Variants in DAGLA observed in about 807,000 individuals in gnomAD.
DAGLA encodes diacylglycerol lipase alpha.
Under a neutral mutation model 102.6 loss-of-function variants are expected in DAGLA, and 22 were observed. That is an observed-to-expected ratio of 0.21 (90% CI 0.15 to 0.31). The LOEUF (loss-of-function observed/expected upper bound fraction) is 0.31. DAGLA is among the 10% of genes least tolerant of loss of function. The pLI, the probability that DAGLA is intolerant of heterozygous loss-of-function variation, is 1.00. For missense variants in DAGLA, 927 were observed against 1,446.6 expected (o/e 0.64, Z 5.83); for synonymous variants, 578 against 628.9 (o/e 0.92, Z 1.21).
At chr11:61,685,428 C>G (rs1381179019) in intron 1 of DAGLA, among the ~76,000 whole-genome samples, 2 of 152,138 alleles carry the variant, frequency 1.3e-5, no homozygotes, top group African/African-American at 4.8e-5. Flanking sequence ...CTCCCCACAT[C>G]CTTGGGATAG....
rs781184010 is a variant in DAGLA at position 61,738,220 on chromosome 11, C to G, written c.1656+13C>G. The G allele has an allele frequency of 1.9e-6, 3 of 1,608,444 alleles. No individual in the cohort carries two copies. The highest frequency in any genetic ancestry group is 2.5e-6 in the Non-Finnish European group (3 of 1,177,376). ...CACCAAGCCCAAAGTGAGCCCCCAC[C>G]TGGGCACCCTGCCTCTGTGCAGCCT... On this transcript the variant is annotated intron_variant, in intron 16 of 19. Coordinates refer to ENST00000257215, the MANE Select transcript of DAGLA (RefSeq NM_006133.3).
intron 1 of DAGLA, among the ~76,000 whole-genome samples, chr11:61,717,163 G>A (rs2065241370): frequency 6.6e-6 from 1 of 152,156 alleles, no homozygotes; most frequent in African/African-American, 2.4e-5. Flanking sequence ...CCAGGAAGTA[G>A]CCTCTGCCCT....
At position 61,725,879 on chromosome 11, in the gene DAGLA, C is replaced by T. The variant is rs796633448; in HGVS notation, c.549-116C>T. 56 of 950,172 alleles carry T rather than the reference C, an allele frequency of 5.9e-5. No homozygotes were observed. In the African/African-American group the frequency reaches 6.4e-4, roughly 11 times the overall value. The allele number at this position is 950,172 out of a possible 1,614,324, so 58.9% of individuals were successfully genotyped here. On this transcript the variant is annotated intron_variant, in intron 5 of 19. Transcript: ENST00000257215. ...CCCTGTTCTCCCCCAGAACCCACTGCGGGAACCCTTTGGTAGGGTCCTGGG... is the reference window on the plus strand; with the variant it reads ...CCCTGTTCTCCCCCAGAACCCACTGTGGGAACCCTTTGGTAGGGTCCTGGG...
At chr11:61,725,037 C>A (rs1256077602) in intron 5 of DAGLA, among the ~76,000 whole-genome samples, 1 of 152,148 alleles carries the variant, frequency 6.6e-6, no homozygotes, top group Admixed American at 6.5e-5. Flanking sequence ...CAAAAAGGGC[C>A]TGGCCTGTCA....
At chr11:61,725,113 C>A (rs1331244212) in intron 5 of DAGLA, among the ~76,000 whole-genome samples, 2 of 152,162 alleles carry the variant, frequency 1.3e-5, no homozygotes, top group African/African-American at 2.4e-5. Flanking sequence ...CTCCTGACCA[C>A]CCAGCATCAG....
At chr11:61,694,830 T>A (rs1267110593) in intron 1 of DAGLA, among the ~76,000 whole-genome samples, 1 of 152,210 alleles carries the variant, frequency 6.6e-6, no homozygotes, top group Non-Finnish European at 1.5e-5. Flanking sequence ...GGTTTCTGGA[T>A]CGCTCGCATT....
rs1208820167 is a variant in DAGLA, at chr11:61,728,273, G to T, written c.757G>T (p.Ala253Ser). 3.1e-6 allele frequency: 5 copies of T among 1,612,128 alleles called. No individual in the cohort carries two copies. The East Asian group carries it at 1.1e-4, about 36-fold the overall frequency. ...GCAGCGGCAGCGGGCCAAGCGCAACGCCGTGCTGGACGAGGTGAGCACCAC... is the reference window on the plus strand; with the variant it reads ...GCAGCGGCAGCGGGCCAAGCGCAACTCCGTGCTGGACGAGGTGAGCACCAC... The part of the protein sequence containing the change: ...LRQRQRAKRN[A>S]VLDEANNDIL... Residue 253 changes from alanine (A) to serine (S), a missense_variant, in exon 7 of 20, where the codon GCC becomes TCC. Coordinates refer to ENST00000257215, the MANE Select transcript of DAGLA (RefSeq NM_006133.3).
intron 1 of DAGLA, among the ~76,000 whole-genome samples, chr11:61,683,599 T>C (rs1489795121): frequency 6.6e-6 from 1 of 152,090 alleles, no homozygotes; most frequent in Non-Finnish European, 1.5e-5. Flanking sequence ...GCCTTATGGT[T>C]TGGGGCTCCA....
At chr11:61,693,228 C>G (rs1263941202) in intron 1 of DAGLA, among the ~76,000 whole-genome samples, 1 of 148,754 alleles carries the variant, frequency 6.7e-6, no homozygotes, top group Non-Finnish European at 1.5e-5. Flanking sequence ...ACTCCTGGAC[C>G]TCAGGTGATC....
chr11:61,700,719 A>G (rs72918073), intron 1 of DAGLA, among the ~76,000 whole-genome samples: 46 of 152,306 alleles, frequency 3.0e-4, no homozygotes, highest in Non-Finnish European at 6.5e-4. Context: ...GCAGTCCTGC[A>G]CAGCCCCTTC....
At chr11:61,708,584 C>T (rs935922668) in intron 1 of DAGLA, among the ~76,000 whole-genome samples, 6 of 151,630 alleles carry the variant, frequency 4.0e-5, no homozygotes, top group African/African-American at 1.5e-4. Flanking sequence ...GGGGTTTCAC[C>T]GTGTTAGCCA....
intron 1 of DAGLA, among the ~76,000 whole-genome samples, chr11:61,687,840 T>G (rs1186925490): frequency 6.6e-6 from 1 of 152,210 alleles, no homozygotes; most frequent in African/African-American, 2.4e-5. Context: ...ACAAGGAGCA[T>G]GGGACTGCTG....
At position 61,690,126 on chromosome 11, in the gene DAGLA, C is replaced by CA. The variant is rs536132036; in HGVS notation, c.-45+9623dup. Among the ~76,000 whole-genome samples, 5 of 152,332 alleles carry CA rather than the reference C, an allele frequency of 3.3e-5. No individual in the cohort carries two copies. The South Asian group carries it at 8.3e-4, about 25-fold the overall frequency. Reference sequence around the variant, plus strand: ...GCCAGAGTCAGCCCCAGTGCACCCCCAGGGCCAGAACACCAGCCGTATCCA... The same window carrying CA: ...GCCAGAGTCAGCCCCAGTGCACCCCCAAGGGCCAGAACACCAGCCGTATCCA... On this transcript the variant is annotated intron_variant, in intron 1 of 19. Coordinates refer to ENST00000257215, the MANE Select transcript of DAGLA (RefSeq NM_006133.3).
At chr11:61,682,941 C>T (rs1243331076) in intron 1 of DAGLA, among the ~76,000 whole-genome samples, 1 of 152,086 alleles carries the variant, frequency 6.6e-6, no homozygotes, top group African/African-American at 2.4e-5. Context: ...GGTGTGGCAC[C>T]TCTCCCAATG....
intron 5 of DAGLA, 116 bp from the exon 6 acceptor site, chr11:61,725,879 C>A: frequency 2.1e-6 from 2 of 950,168 alleles, no homozygotes; most frequent in South Asian, 1.4e-5. Context: ...GAACCCACTG[C>A]GGGAACCCTT....
chr11:61,710,168 C>T (rs2065182042), intron 1 of DAGLA, among the ~76,000 whole-genome samples: 1 of 152,152 alleles, frequency 6.6e-6, no homozygotes, highest in African/African-American at 2.4e-5. Flanking sequence ...GGAGTCTCCT[C>T]TCAAGGAAGT....
At chr11:61,694,442 A>G (rs960550481) in intron 1 of DAGLA, among the ~76,000 whole-genome samples, 1 of 152,202 alleles carries the variant, frequency 6.6e-6, no homozygotes, top group Non-Finnish European at 1.5e-5. Flanking sequence ...AGGGAGACCA[A>G]TGCTGGGACA....
chr11:61,741,607 C>CT (rs34881719), intron 19 of DAGLA, among the ~76,000 whole-genome samples: 3,966 of 131,974 alleles, frequency 0.03, 98 homozygotes, highest in Middle Eastern at 0.053. Context: ...CAGATTCACT[C>CT]TTTTTTTTTT....
intron 1 of DAGLA, among the ~76,000 whole-genome samples, chr11:61,715,931 C>A (rs990447594): frequency 6.6e-6 from 1 of 152,172 alleles, no homozygotes; most frequent in Non-Finnish European, 1.5e-5. Flanking sequence ...CAGAACAGTT[C>A]ATCTAGCCAG....
Sources: gnomAD v4.1 joint callset for allele counts (sites outside exome capture counted in the v4.1 genomes callset) on GRCh38, gnomAD v4.1.1 for gene constraint, MANE v1.5 for transcripts, NCBI Gene and HGNC (gene_info 2026-07-23, HGNC 2026-07-21) for gene names.